ADK: variants seen among roughly 807,000 people sequenced by gnomAD.
ADK encodes N6,N6-dimethyladenosine kinase.
Under a neutral mutation model 44.7 loss-of-function variants are expected in ADK, and 24 were observed. The ratio of observed to expected loss-of-function variants is 0.54; its 90% CI spans 0.39 to 0.76. ADK has a LOEUF of 0.76. ADK is among the 30% of genes least tolerant of loss of function. The pLI, the probability that ADK is intolerant of heterozygous loss-of-function variation, is 0.00. For synonymous variants in ADK, 128 were observed against 142.6 expected, an observed-to-expected ratio of 0.90 and a Z score of 0.73; for missense variants, 321 against 425.1, an observed-to-expected ratio of 0.76 and a Z score of 2.15.
intron 3 of ADK, among the ~76,000 whole-genome samples, chr10:74,228,610 C>T (rs925346358): frequency 1.3e-5 from 2 of 152,116 alleles, no homozygotes; most frequent in African/African-American, 4.8e-5. Context: ...GTAAAAGATA[C>T]TGATTTTATT....
chr10:74,226,441 A>G (rs1246707164), intron 3 of ADK, among the ~76,000 whole-genome samples: 2 of 152,196 alleles, frequency 1.3e-5, no homozygotes, highest in African/African-American at 4.8e-5. Context: ...TTTTAAACAT[A>G]TGTTATGTGT....
At chr10:74,688,714 A>G (rs559985344) in intron 10 of ADK, among the ~76,000 whole-genome samples, 2 of 152,230 alleles carry the variant, frequency 1.3e-5, no homozygotes, top group Non-Finnish European at 2.9e-5. Flanking sequence ...CAGGAGTTCA[A>G]GACCAACCAG....
At chr10:74,607,527 ATTCTT>A (rs1321306323) in intron 9 of ADK, among the ~76,000 whole-genome samples, 1 of 152,164 alleles carries the variant, frequency 6.6e-6, no homozygotes, top group Middle Eastern at 3.2e-3. Flanking sequence ...TGGGTTCAAA[ATTCTT>A]TTCTTTAAGA....
At chr10:74,562,867 A>C (rs1850509904) in intron 7 of ADK, among the ~76,000 whole-genome samples, 1 of 152,216 alleles carries the variant, frequency 6.6e-6, no homozygotes, top group Non-Finnish European at 1.5e-5. Flanking sequence ...GGGTAAAATT[A>C]AATTTGGATT....
intron 9 of ADK, among the ~76,000 whole-genome samples, chr10:74,621,403 T>C (rs1328491601): frequency 6.6e-6 from 1 of 152,158 alleles, no homozygotes; most frequent in African/African-American, 2.4e-5. Context: ...AATTTCTGAG[T>C]TCTCTATTCT....
intron 10 of ADK, among the ~76,000 whole-genome samples, chr10:74,697,333 G>A (rs1564857811): frequency 1.3e-5 from 2 of 152,104 alleles, no homozygotes; most frequent in Admixed American, 1.3e-4. Flanking sequence ...GAGCCCAGGG[G>A]TTCAGACCAG....
At chr10:74,545,052 A>T (rs769091735) in intron 7 of ADK, among the ~76,000 whole-genome samples, 4 of 151,988 alleles carry the variant, frequency 2.6e-5, no homozygotes, top group Non-Finnish European at 5.9e-5. Flanking sequence ...ATTGTGAAGG[A>T]TTTTATTCTT....
At chr10:74,229,436 C>T (rs1404311745) in intron 3 of ADK, among the ~76,000 whole-genome samples, 1 of 125,864 alleles carries the variant, frequency 7.9e-6, no homozygotes, top group Non-Finnish European at 1.6e-5. Context: ...CTCGCTCTGT[C>T]GCCCAGGCTG....
At chr10:74,233,982 G>A (rs1011077521) in intron 3 of ADK, among the ~76,000 whole-genome samples, 1 of 152,196 alleles carries the variant, frequency 6.6e-6, no homozygotes, top group Admixed American at 6.5e-5. Flanking sequence ...AATTTATTGA[G>A]GGTAACAGAA....
chr10:74,481,543 AT>A (rs768382967), intron 6 of ADK, among the ~76,000 whole-genome samples: 5 of 152,142 alleles, frequency 3.3e-5, no homozygotes, highest in South Asian at 2.1e-4. Flanking sequence ...ATCTGTTAAT[AT>A]GTTTAATTAT....
intron 8 of ADK, among the ~76,000 whole-genome samples, chr10:74,596,147 G>A (rs1851918847): frequency 6.6e-6 from 1 of 151,614 alleles, no homozygotes; most frequent in Non-Finnish European, 1.5e-5. Context: ...CTATAGTTTT[G>A]TGATAAAAAA....
chr10:74,230,060 T>G (rs905311713), intron 3 of ADK, among the ~76,000 whole-genome samples: 1 of 151,286 alleles, frequency 6.6e-6, no homozygotes, highest in African/African-American at 2.4e-5. Context: ...TTTTTTTTTT[T>G]TTTTGGTAAG....
intron 4 of ADK, among the ~76,000 whole-genome samples, chr10:74,364,118 C>T (rs1185888136): frequency 6.6e-6 from 1 of 152,192 alleles, no homozygotes; most frequent in Non-Finnish European, 1.5e-5. Context: ...CAATTCATAC[C>T]TGTACCTTCT....
At chr10:74,496,316 T>G (rs1052715770) in intron 6 of ADK, among the ~76,000 whole-genome samples, 2 of 152,154 alleles carry the variant, frequency 1.3e-5, no homozygotes, top group Admixed American at 6.5e-5. Flanking sequence ...TGTAATAATC[T>G]CCACATGTCA....
In ADK at chr10:74,312,914, C is replaced by CAAAAAAAAAAAAAAAAA. The variant is rs56052959; in HGVS notation, c.195-1743_195-1727dup. Among the ~76,000 whole-genome samples, 10 of 37,830 alleles carry CAAAAAAAAAAAAAAAAA rather than the reference C, an allele frequency of 2.6e-4. 1 individual carries two copies. The highest frequency in any genetic ancestry group is 9.8e-4 in the African/African-American group (10 of 10,214). The allele number at this position is 37,830 out of a possible 152,430, so 24.8% of individuals were successfully genotyped here. A position where few individuals can be genotyped will look rare whatever the true frequency, so the allele number is the denominator to read the frequency against. ...GGATGAAAAAGGAAGATTCTGTCTC[C>CAAAAAAAAAAAAAAAAA]AAAAAAAAAAAAAAAAAAAAAAAAA... On this transcript the variant is annotated intron_variant, in intron 3 of 10. Coordinates refer to ENST00000539909, the MANE Select transcript of ADK (RefSeq NM_006721.4).
chr10:74,603,234 A>G (rs1040924039), intron 9 of ADK, among the ~76,000 whole-genome samples: 1 of 152,098 alleles, frequency 6.6e-6, no homozygotes, highest in Non-Finnish European at 1.5e-5. Flanking sequence ...TAAAAGACTA[A>G]TTAGGAATCA....
At chr10:74,184,545 CA>C (rs1842680020) in intron 1 of ADK, among the ~76,000 whole-genome samples, 2 of 108,172 alleles carry the variant, frequency 1.8e-5, no homozygotes, top group African/African-American at 3.5e-5. Flanking sequence ...GTGTGTGTGT[CA>C]GGGGGGTGGG....
At chr10:74,418,476 A>C (rs542485437) in intron 6 of ADK, among the ~76,000 whole-genome samples, 6 of 152,290 alleles carry the variant, frequency 3.9e-5, no homozygotes, top group African/African-American at 1.4e-4. Flanking sequence ...CAGGAGCCAA[A>C]TGTTTGGTGG....
At chr10:74,388,324 C>A (rs1421240937) in intron 4 of ADK, among the ~76,000 whole-genome samples, 1 of 152,188 alleles carries the variant, frequency 6.6e-6, no homozygotes, top group Non-Finnish European at 1.5e-5. Flanking sequence ...CACCCACATA[C>A]CTCCTGACCT....
Sources: gnomAD v4.1 joint callset for allele counts (sites outside exome capture counted in the v4.1 genomes callset) on GRCh38, gnomAD v4.1.1 for gene constraint, MANE v1.5 for transcripts, NCBI Gene and HGNC (gene_info 2026-07-23, HGNC 2026-07-21) for gene names.